Variants in ARB2A observed in about 807,000 individuals in gnomAD.
ARB2A encodes the protein cotranscriptional regulator ARB2A.
chr5:93,710,885 C>A, the ARB2A span, among the ~76,000 whole-genome samples: 1 of 152,158 alleles, frequency 6.6e-6, no homozygotes, highest in Non-Finnish European at 1.5e-5. Flanking sequence ...TAGGTTACAA[C>A]ACATTAAATA....
At chr5:93,952,129 T>C in the ARB2A span, among the ~76,000 whole-genome samples, 5 of 152,180 alleles carry the variant, frequency 3.3e-5, no homozygotes, top group Non-Finnish European at 7.3e-5. Context: ...GAAGAAACAG[T>C]ATTGTTAAAA....
chr5:93,839,906 T>A, the ARB2A span, among the ~76,000 whole-genome samples: 1 of 152,072 alleles, frequency 6.6e-6, no homozygotes, highest in Non-Finnish European at 1.5e-5. Flanking sequence ...TTTATTTGGA[T>A]CTTCTCTCTT....
the ARB2A span, among the ~76,000 whole-genome samples, chr5:93,915,323 G>T: frequency 1.3e-5 from 2 of 151,628 alleles, no homozygotes; most frequent in Non-Finnish European, 2.9e-5. Flanking sequence ...GACCATCAAA[G>T]ACAAGTTGCA....
chr5:94,008,627 CATAT>C, the ARB2A span, among the ~76,000 whole-genome samples: 10 of 152,058 alleles, frequency 6.6e-5, no homozygotes, highest in African/African-American at 2.4e-4. Context: ...AAAAGTTACT[CATAT>C]ATACTATCTT....
the ARB2A span, among the ~76,000 whole-genome samples, chr5:94,047,079 T>G: frequency 2.6e-5 from 4 of 152,292 alleles, no homozygotes. Flanking sequence ...GTCTTTTTGT[T>G]GTACTGAGTT....
the ARB2A span, among the ~76,000 whole-genome samples, chr5:93,841,151 C>T: frequency 2.0e-5 from 3 of 152,068 alleles, no homozygotes; most frequent in African/African-American, 7.2e-5. Context: ...ACTGAAAATG[C>T]CTCTGCAGCA....
the ARB2A span, among the ~76,000 whole-genome samples, chr5:93,820,365 C>T: frequency 1.3e-5 from 2 of 151,950 alleles, no homozygotes; most frequent in Non-Finnish European, 2.9e-5. Context: ...AAGATAAGAG[C>T]AAAACACTCT....
At chr5:93,740,783 G>T in the ARB2A span, 1 of 1,612,382 alleles carries the variant, frequency 6.2e-7, no homozygotes, top group South Asian at 1.1e-5. Context: ...ATCTTGCTGC[G>T]GTTATAGAAC....
At chr5:94,063,620 C>T in the ARB2A span, among the ~76,000 whole-genome samples, 1 of 152,088 alleles carries the variant, frequency 6.6e-6, no homozygotes, top group Non-Finnish European at 1.5e-5. Context: ...TAAGGACAGG[C>T]AGGCTGTGCC....
At chr5:94,104,958 A>G in the ARB2A span, among the ~76,000 whole-genome samples, 1 of 151,800 alleles carries the variant, frequency 6.6e-6, no homozygotes, top group East Asian at 1.9e-4. Flanking sequence ...CATGTGTTAA[A>G]AATTTTCAAC....
chr5:93,653,799 G>A, the ARB2A span, among the ~76,000 whole-genome samples: 1 of 152,126 alleles, frequency 6.6e-6, no homozygotes, highest in African/African-American at 2.4e-5. Context: ...AGTGAGACTG[G>A]TGATGCAGAA....
chr5:93,621,193 G>T, the ARB2A span: 4 of 1,498,002 alleles, frequency 2.7e-6, no homozygotes, highest in Non-Finnish European at 2.7e-6. Flanking sequence ...TGAGGGCGGC[G>T]AGGGCCAGGC....
chr5:94,049,149 A>C, the ARB2A span, among the ~76,000 whole-genome samples: 1 of 152,170 alleles, frequency 6.6e-6, no homozygotes, highest in Non-Finnish European at 1.5e-5. Context: ...ACTAAAAATA[A>C]AGATAATATG....
At chr5:93,804,828 T>A in the ARB2A span, 3 of 658,310 alleles carry the variant, frequency 4.6e-6, no homozygotes, top group Non-Finnish European at 5.6e-6. Flanking sequence ...TTATGTTTAA[T>A]TTTTTGATTA....
chr5:94,015,239 A>T, the ARB2A span, among the ~76,000 whole-genome samples: 4 of 152,162 alleles, frequency 2.6e-5, no homozygotes, highest in Non-Finnish European at 5.9e-5. Context: ...GAGTGAGATG[A>T]CATTTTCAAA....
the ARB2A span, chr5:93,784,467 C>G: frequency 6.2e-7 from 1 of 1,612,886 alleles, no homozygotes; most frequent in South Asian, 1.1e-5. Context: ...CAGCAGTTAC[C>G]TTATTTTTTA....
the ARB2A span, among the ~76,000 whole-genome samples, chr5:93,817,642 T>C: frequency 6.6e-6 from 1 of 152,080 alleles, no homozygotes; most frequent in African/African-American, 2.4e-5. Flanking sequence ...TGGAATAAAA[T>C]ACAGTCCAGA....
the ARB2A span, among the ~76,000 whole-genome samples, chr5:93,753,058 T>C: frequency 1.3e-5 from 2 of 152,334 alleles, no homozygotes; most frequent in African/African-American, 2.4e-5. Context: ...CTAGTACACA[T>C]ACTCAAAAGT....
chr5:93,926,075 C>G, the ARB2A span, among the ~76,000 whole-genome samples: 2 of 151,902 alleles, frequency 1.3e-5, no homozygotes, highest in African/African-American at 4.8e-5. Context: ...CCTGTGTACT[C>G]TATGATATGA....
Sources: allele counts gnomAD v4.1 joint callset (sites outside exome capture counted in the v4.1 genomes callset), GRCh38; gene constraint gnomAD v4.1.1; transcripts MANE v1.5; gene names NCBI Gene and HGNC (gene_info 2026-07-23, HGNC 2026-07-21).